LINGO2: variants seen among roughly 807,000 people sequenced by gnomAD.
LINGO2 encodes the protein leucine rich repeat and Ig domain containing 2, also known as leucine-rich repeat and immunoglobulin-like domain-containing nogo receptor-interacting protein 2.
In LINGO2, 14 loss-of-function variants were observed where a neutral mutation model predicts 30.6. That is an observed-to-expected ratio of 0.46 (90% CI 0.30 to 0.72). LINGO2 has a LOEUF of 0.72. Among genes scored for constraint, LINGO2 ranks in the 30% least tolerant of loss-of-function variants. The probability of loss-of-function intolerance (pLI) is 0.07; values close to 1 mark genes in which losing one functional copy is unlikely to be tolerated. For missense variants in LINGO2, 729 were observed against 751.7 expected (o/e 0.97, Z 0.35); for synonymous variants, 317 against 288.5 (o/e 1.10, Z -1.00).
chr9:28,520,430 G>C (rs1342802461), intron 1 of LINGO2, among the ~76,000 whole-genome samples: 3 of 152,034 alleles, frequency 2.0e-5, no homozygotes, highest in African/African-American at 4.8e-5. Context: ...CCTCTTCAGA[G>C]GGGCTTTCTA....
At chr9:28,339,217 G>T (rs538592092) in intron 3 of LINGO2, among the ~76,000 whole-genome samples, 2 of 152,036 alleles carry the variant, frequency 1.3e-5, no homozygotes, top group East Asian at 1.9e-4. Flanking sequence ...AAAATTAATG[G>T]ATTATGTCTT....
At chr9:29,205,313 A>T in the LINGO2 span, among the ~76,000 whole-genome samples, 7 of 152,190 alleles carry the variant, frequency 4.6e-5, no homozygotes, top group Non-Finnish European at 7.3e-5. Flanking sequence ...TGCTGGGATT[A>T]TAGGTGTGAG....
intron 1 of LINGO2, among the ~76,000 whole-genome samples, chr9:28,509,546 T>C (rs1224191104): frequency 1.3e-5 from 2 of 152,160 alleles, no homozygotes; most frequent in Non-Finnish European, 2.9e-5. Context: ...TGTGCCCCTA[T>C]CAAAATTTGT....
the LINGO2 span, among the ~76,000 whole-genome samples, chr9:29,004,246 T>C: frequency 1.3e-5 from 2 of 152,014 alleles, no homozygotes; most frequent in African/African-American, 2.4e-5. Flanking sequence ...TTTATAATTC[T>C]TTATCTTTGA....
chr9:28,245,870 A>C (rs1484252027), intron 4 of LINGO2, among the ~76,000 whole-genome samples: 2 of 152,200 alleles, frequency 1.3e-5, no homozygotes, highest in Non-Finnish European at 2.9e-5. Flanking sequence ...ATACTGCTCA[A>C]AATAATTTAT....
At chr9:28,122,227 G>A (rs1449594525) in intron 4 of LINGO2, among the ~76,000 whole-genome samples, 2 of 152,146 alleles carry the variant, frequency 1.3e-5, no homozygotes, top group Non-Finnish European at 2.9e-5. Flanking sequence ...AGTATCAAAA[G>A]CCATTAAAAA....
chr9:28,467,057 G>A (rs1032199944), intron 2 of LINGO2, among the ~76,000 whole-genome samples: 44 of 147,898 alleles, frequency 3.0e-4, no homozygotes, highest in African/African-American at 1.0e-3. Flanking sequence ...ACGGAGTCTC[G>A]CTCTGTTGCC....
intron 4 of LINGO2, among the ~76,000 whole-genome samples, chr9:28,228,690 G>C (rs775421305): frequency 2.6e-5 from 4 of 151,668 alleles, no homozygotes; most frequent in Non-Finnish European, 5.9e-5. Context: ...CACTTACAAA[G>C]TTAAATCTAA....
At chr9:28,564,025 G>A (rs1368164995) in intron 1 of LINGO2, among the ~76,000 whole-genome samples, 2 of 152,082 alleles carry the variant, frequency 1.3e-5, no homozygotes, top group Non-Finnish European at 2.9e-5. Context: ...CTGCACATAC[G>A]TGTTTAAATC....
At chr9:28,062,558 A>AC (rs1825180355) in intron 4 of LINGO2, among the ~76,000 whole-genome samples, 1 of 146,620 alleles carries the variant, frequency 6.8e-6, no homozygotes, top group Non-Finnish European at 1.5e-5. Context: ...TTGTATATAC[A>AC]TATATAGTAT....
At chr9:29,065,074 A>G in the LINGO2 span, among the ~76,000 whole-genome samples, 2 of 152,114 alleles carry the variant, frequency 1.3e-5, no homozygotes, top group East Asian at 1.9e-4. Context: ...CATCCAGGAC[A>G]TATTTGCTCC....
At chr9:29,023,316 C>G in the LINGO2 span, among the ~76,000 whole-genome samples, 4 of 151,966 alleles carry the variant, frequency 2.6e-5, no homozygotes, top group African/African-American at 9.7e-5. Context: ...AAAAAGAGGA[C>G]ATTTATGTTA....
chr9:28,242,505 A>G (rs1587308117), intron 4 of LINGO2, among the ~76,000 whole-genome samples: 1 of 152,192 alleles, frequency 6.6e-6, no homozygotes, highest in East Asian at 1.9e-4. Context: ...TGATTGGAGT[A>G]CCTGAAAGAG....
the LINGO2 span, among the ~76,000 whole-genome samples, chr9:29,112,884 A>G: frequency 6.6e-6 from 1 of 152,196 alleles, no homozygotes; most frequent in African/African-American, 2.4e-5. Flanking sequence ...TCTATGTATT[A>G]ACCCACTTAA....
chr9:28,459,165 T>A (rs1587703136), intron 2 of LINGO2, among the ~76,000 whole-genome samples: 5 of 152,046 alleles, frequency 3.3e-5, no homozygotes, highest in African/African-American at 7.2e-5. Flanking sequence ...ATAATGATAT[T>A]AGTAAACTTC....
At chr9:28,511,991 G>A (rs1303103828) in intron 1 of LINGO2, among the ~76,000 whole-genome samples, 2 of 152,140 alleles carry the variant, frequency 1.3e-5, no homozygotes, top group South Asian at 2.1e-4. Context: ...TGATCATAGA[G>A]AACTCCCCAT....
intron 1 of LINGO2, among the ~76,000 whole-genome samples, chr9:28,522,587 A>C (rs914276242): frequency 1.3e-5 from 2 of 152,200 alleles, no homozygotes; most frequent in African/African-American, 4.8e-5. Flanking sequence ...GTTGGTATGG[A>C]AAAATACAAC....
At chr9:28,955,917 A>G in the LINGO2 span, among the ~76,000 whole-genome samples, 4 of 152,098 alleles carry the variant, frequency 2.6e-5, no homozygotes, top group Admixed American at 2.6e-4. Context: ...ACAGGCATGA[A>G]CGACCATGCC....
intron 5 of LINGO2, among the ~76,000 whole-genome samples, chr9:27,987,639 T>G (rs1262553438): frequency 6.6e-6 from 1 of 151,946 alleles, no homozygotes; most frequent in Non-Finnish European, 1.5e-5. Context: ...TATTTTTGAC[T>G]GTGGGAGAAG....
Sources: gnomAD v4.1 joint callset for allele counts (sites outside exome capture counted in the v4.1 genomes callset) on GRCh38, gnomAD v4.1.1 for gene constraint, MANE v1.5 for transcripts, NCBI Gene and HGNC (gene_info 2026-07-23, HGNC 2026-07-21) for gene names.